Variants in LEF1 observed in about 807,000 individuals in gnomAD.
The protein encoded by LEF1 is lymphoid enhancer-binding factor 1.
A neutral mutation model predicts 51.2 loss-of-function variants in LEF1; 14 were observed. That is an observed-to-expected ratio of 0.27 (90% CI 0.18 to 0.43). LEF1 has a LOEUF of 0.43. LEF1 is among the 20% of genes least tolerant of loss of function. LEF1 has a pLI of 1.00. For synonymous variants in LEF1, 185 were observed against 183.2 expected (o/e 1.01, Z -0.08); for missense variants, 386 against 512.0 (o/e 0.75, Z 2.37).
intron 9 of LEF1, among the ~76,000 whole-genome samples, chr4:108,068,493 C>T (rs1738233789): frequency 6.6e-6 from 1 of 152,146 alleles, no homozygotes; most frequent in Non-Finnish European, 1.5e-5. Context: ...TAATAGTATT[C>T]ATTCCACCAC....
intron 3 of LEF1, among the ~76,000 whole-genome samples, chr4:108,119,993 A>ATATG (rs1383372855): frequency 7.4e-5 from 11 of 149,486 alleles, no homozygotes; most frequent in African/African-American, 1.2e-4. Flanking sequence ...TATTTTATAT[A>ATATG]TGTGTGTGTG....
chr4:108,164,167 T>C (rs1295385714), intron 2 of LEF1, among the ~76,000 whole-genome samples: 1 of 152,082 alleles, frequency 6.6e-6, no homozygotes, highest in East Asian at 1.9e-4. Flanking sequence ...TCTAGAAAAA[T>C]TTCTAGATTC....
intron 3 of LEF1, among the ~76,000 whole-genome samples, chr4:108,159,705 G>C (rs1343659490): frequency 6.6e-6 from 1 of 152,164 alleles, no homozygotes; most frequent in Non-Finnish European, 1.5e-5. Context: ...GGGTAGGTAA[G>C]ACAAAGTTAT....
chr4:108,078,454 G>T, intron 7 of LEF1, 72 bp from the exon 8 acceptor site: 2 of 1,589,162 alleles, frequency 1.3e-6, no homozygotes, highest in South Asian at 2.2e-5. Flanking sequence ...GAGGAGAAAA[G>T]CAGAGCACCT....
intron 3 of LEF1, among the ~76,000 whole-genome samples, chr4:108,111,570 AGAG>A (rs779953271): frequency 6.6e-6 from 1 of 152,206 alleles, no homozygotes; most frequent in Non-Finnish European, 1.5e-5. Flanking sequence ...TTATTTAATC[AGAG>A]GAGGAAGAGT....
chr4:108,167,250 G>A lies in LEF1; in HGVS notation c.213+305C>T, dbSNP rs1745469150. On this transcript the variant is annotated intron_variant, in intron 1 of 11. Transcript: ENST00000265165. The surrounding 1 kb of genome is among the most constrained non-coding windows in gnomAD (Gnocchi z 5.7). ...TCAGCCCAACAAAAAGACCGAAGGC[G>A]AAACATTGTGGGTTCCTGCCCGCGA... Among the ~76,000 whole-genome samples the A allele has an allele frequency of 6.6e-6, 1 of 152,032 alleles. No homozygotes were observed. The highest frequency in any genetic ancestry group is 6.5e-5 in the Admixed American group (1 of 15,268).
chr4:108,165,370 G>A (rs1745322970), intron 1 of LEF1: 6 of 512,210 alleles, frequency 1.2e-5, no homozygotes, highest in Non-Finnish European at 2.1e-5. Context: ...TTATCCACCC[G>A]GGACCAAAAA....
At chr4:108,115,325 G>A (rs986892352) in intron 3 of LEF1, among the ~76,000 whole-genome samples, 5 of 152,164 alleles carry the variant, frequency 3.3e-5, no homozygotes, top group Non-Finnish European at 5.9e-5. Flanking sequence ...GATATAATTC[G>A]GTTTAATACT....
At chr4:108,052,208 A>T (rs1405427287) in intron 11 of LEF1, among the ~76,000 whole-genome samples, 1 of 152,210 alleles carries the variant, frequency 6.6e-6, no homozygotes, top group Non-Finnish European at 1.5e-5. Flanking sequence ...GGCCAAGGCA[A>T]GGGCAGCAAA....
rs767277376 is a variant in LEF1 at position 108,165,118 on chromosome 4, C to G, written c.259G>C (p.Ala87Pro). ...TTACCGTCATCGGGGTGTTCTCTGG[C>G]CTTGTCGTGGTAGGGCTCCTGAGAG... is the stretch of plus-strand genomic sequence containing the variant. ...QTSQEPYHDK[A>P]REHPDDGKHP... The change falls in exon 2 of 12, where the codon GCC (alanine) becomes CCC (proline). Residue 87 changes from alanine to proline, a missense_variant. Physicochemically the swap from Ala to Pro is conservative, Grantham distance 27 (BLOSUM62 -1). Coordinates refer to ENST00000265165, the MANE Select transcript of LEF1 (RefSeq NM_016269.5). The G allele has an allele frequency of 3.1e-6, 5 of 1,614,096 alleles. No homozygotes were observed.
intron 4 of LEF1, 85 bp downstream of exon 4, chr4:108,089,040 T>C: frequency 6.8e-7 from 1 of 1,477,464 alleles, no homozygotes; most frequent in Non-Finnish European, 9.4e-7. Context: ...CATGGAGCAC[T>C]GGCATCTGGA....
intron 3 of LEF1, among the ~76,000 whole-genome samples, chr4:108,141,232 A>G (rs1429306274): frequency 2.0e-5 from 3 of 152,244 alleles, no homozygotes; most frequent in Non-Finnish European, 4.4e-5. Context: ...GTCTCTGTAC[A>G]TACAAATATT....
At chr4:108,153,654 C>A (rs753352265) in intron 3 of LEF1, among the ~76,000 whole-genome samples, 2 of 152,170 alleles carry the variant, frequency 1.3e-5, no homozygotes, top group Non-Finnish European at 2.9e-5. Context: ...CCTTTGACTG[C>A]AATTCTGGCA....
intron 3 of LEF1, among the ~76,000 whole-genome samples, chr4:108,128,881 G>C (rs1332697417): frequency 6.6e-6 from 1 of 152,154 alleles, no homozygotes; most frequent in Non-Finnish European, 1.5e-5. Context: ...CAAAGAAGAA[G>C]AGAAGAAACC....
chr4:108,086,872 A>T (rs1210999803), intron 4 of LEF1, among the ~76,000 whole-genome samples: 1 of 129,430 alleles, frequency 7.7e-6, no homozygotes, highest in Non-Finnish European at 1.8e-5. Context: ...GTGCTCCCTA[A>T]TAGGAAATTA....
chr4:108,152,602 A>G (rs1309294143), intron 3 of LEF1, among the ~76,000 whole-genome samples: 1 of 152,230 alleles, frequency 6.6e-6, no homozygotes, highest in African/African-American at 2.4e-5. Flanking sequence ...ACCTCTGGAA[A>G]GTCATTTACA....
intron 9 of LEF1, among the ~76,000 whole-genome samples, chr4:108,066,231 A>G (rs1396658829): frequency 1.3e-5 from 2 of 152,160 alleles, no homozygotes; most frequent in Non-Finnish European, 2.9e-5. Context: ...TCTTTCAAGT[A>G]TCCACAACGG....
chr4:108,091,973 A>G (rs1422995781), intron 3 of LEF1, among the ~76,000 whole-genome samples: 1 of 152,226 alleles, frequency 6.6e-6, no homozygotes, highest in African/African-American at 2.4e-5. Context: ...GGGTACTTAT[A>G]AAGAGTAAAC....
intron 11 of LEF1, 66 bp downstream of exon 11, chr4:108,063,557 T>G: frequency 8.1e-7 from 1 of 1,239,054 alleles, no homozygotes; most frequent in Non-Finnish European, 1.2e-6. Flanking sequence ...AGCAAGAAGA[T>G]TCACAAGCAA....
Sources: gnomAD v4.1 joint callset for allele counts (sites outside exome capture counted in the v4.1 genomes callset) on GRCh38, gnomAD v4.1.1 for gene constraint, Gnocchi (gnomAD v3.1) non-coding constraint, MANE v1.5 for transcripts, NCBI Gene and HGNC (gene_info 2026-07-23, HGNC 2026-07-21) for gene names.